Variants in PAPPA2 observed in about 807,000 individuals in gnomAD.
PAPPA2 encodes pappalysin-2.
A neutral mutation model predicts 176.4 loss-of-function variants in PAPPA2; 86 were observed. The observed-to-expected ratio is 0.49, with a 90% CI of 0.41 to 0.58. The LOEUF (loss-of-function observed/expected upper bound fraction) is 0.58. Ranked by LOEUF, PAPPA2 falls within the 20% of genes least tolerant of loss-of-function variation. PAPPA2 has a pLI of 0.00. For synonymous variants in PAPPA2, 809 were observed against 852.2 expected (o/e 0.95, Z 0.88); for missense variants, 2,073 against 2,256.9 (o/e 0.92, Z 1.65).
intron 9 of PAPPA2, among the ~76,000 whole-genome samples, chr1:176,704,829 A>G (rs781073795): frequency 9.2e-5 from 14 of 152,174 alleles, no homozygotes; most frequent in Non-Finnish European, 2.1e-4. Flanking sequence ...TTTTATACTG[A>G]CTGCAGATTG....
At chr1:176,740,343 G>A (rs976304382) in intron 14 of PAPPA2, 147 bp downstream of exon 14, 8 of 864,094 alleles carry the variant, frequency 9.3e-6, no homozygotes, top group Non-Finnish European at 1.4e-5. Context: ...TAGGAAGCAA[G>A]CAAAGAATAA....
intron 2 of PAPPA2, among the ~76,000 whole-genome samples, chr1:176,558,241 A>G (rs1468037535): frequency 6.6e-6 from 1 of 152,200 alleles, no homozygotes; most frequent in Non-Finnish European, 1.5e-5. Flanking sequence ...GTGCTCTTTC[A>G]TGTTTTCCAG....
In PAPPA2 at chr1:176,670,832, A is replaced by T. The variant is rs995216905; in HGVS notation, c.1992-138A>T. 3.0e-6 allele frequency: 3 copies of T among 986,052 alleles called. No homozygotes were observed. The African/African-American group carries it at 4.9e-5, about 16-fold the overall frequency. The allele number at this position is 986,052 out of a possible 1,614,324, so 61.1% of individuals were successfully genotyped here. ...TGCCTTTTCTTCTGGTCTTCATGACAGGCTGGTCTCTGCCCCATGCCCCTC... is the reference window on the plus strand; with the variant it reads ...TGCCTTTTCTTCTGGTCTTCATGACTGGCTGGTCTCTGCCCCATGCCCCTC... On this transcript the variant is annotated intron_variant, in intron 3 of 22. Transcript: ENST00000367662.
chr1:176,595,695 A>C lies in PAPPA2; in HGVS notation c.1991+100A>C, dbSNP rs560590374. ...GGCAAATGTGTTCACACACTCCCTGAATAAGACATTAATCCACCCCATCAG... is the reference window on the plus strand; with the variant it reads ...GGCAAATGTGTTCACACACTCCCTGCATAAGACATTAATCCACCCCATCAG... On this transcript the variant is annotated intron_variant, in intron 3 of 22. Transcript: ENST00000367662. 1.1e-3 allele frequency: 1,287 copies of C among 1,150,228 alleles called. 1 individual carries two copies. Among genetic ancestry groups the C allele is most frequent in the Non-Finnish European group, 1.5e-3 (1,210 of 826,822 alleles). 71.3% of individuals were successfully genotyped at this position (1,150,228 alleles called of 1,614,324 possible). A position where few individuals can be genotyped will look rare whatever the true frequency, so the allele number is the denominator to read the frequency against.
At position 176,595,183 on chromosome 1, in the gene PAPPA2, T is replaced by C. The variant is rs1407500088; in HGVS notation, c.1579T>C (p.Tyr527His). 6.2e-7 allele frequency: 1 copy of C among 1,614,196 alleles called. No homozygotes were observed. Reference protein sequence around the residue: ...WPLRGEKVIRYQVVNICDDEG... With the variant: ...WPLRGEKVIRHQVVNICDDEG... ...CCTTCGGGGAGAGAAGGTGATACGC[T>C]ACCAGGTGGTGAACATCTGTGATGA... Residue 527 changes from tyrosine (Y) to histidine (H), a missense_variant, in exon 3 of 23, where the codon TAC becomes CAC. This residue lies in a region of PAPPA2 where 1,196 missense variants were observed against 1,330.4 expected (regional missense o/e 0.90). Coordinates refer to ENST00000367662, the MANE Select transcript of PAPPA2 (RefSeq NM_020318.3).
chr1:176,686,706 A>G (rs2102799148), intron 4 of PAPPA2, among the ~76,000 whole-genome samples: 1 of 152,322 alleles, frequency 6.6e-6, no homozygotes, highest in South Asian at 2.1e-4. Flanking sequence ...GTCCAGGACA[A>G]TACAGATTCC....
chr1:176,819,221 A>G (rs1169633650), intron 21 of PAPPA2, among the ~76,000 whole-genome samples: 1 of 152,198 alleles, frequency 6.6e-6, no homozygotes. Flanking sequence ...TGACCATGAT[A>G]GAGAAAGGAA....
At position 176,579,100 on chromosome 1, in the gene PAPPA2, C is replaced by G. The variant is rs1221887529; in HGVS notation, c.920-15424C>G. On this transcript the variant is annotated intron_variant, in intron 2 of 22. Coordinates refer to ENST00000367662, the MANE Select transcript of PAPPA2 (RefSeq NM_020318.3). ...CAGGTGACTCCATTCTGTCAAAACC[C>G]ACAGACAGAAGGTTCCATAGGGGAG... 3.9e-5 allele frequency among the ~76,000 whole-genome samples: 6 copies of G among 152,230 alleles called. No individual in the cohort carries two copies. The East Asian group carries it at 1.2e-3, about 29-fold the overall frequency.
chr1:176,515,792 A>T (rs779037083), intron 1 of PAPPA2, among the ~76,000 whole-genome samples: 3 of 152,040 alleles, frequency 2.0e-5, no homozygotes, highest in Non-Finnish European at 2.9e-5. Context: ...TTTCTAGAGA[A>T]ATGTTCACTA....
chr1:176,619,418 C>T (rs566424006), intron 3 of PAPPA2, among the ~76,000 whole-genome samples: 20 of 152,252 alleles, frequency 1.3e-4, no homozygotes, highest in East Asian at 3.9e-4. Flanking sequence ...GACTGAATGA[C>T]GTTAGATTCC....
rs1317669604 is a variant in PAPPA2, at chr1:176,844,478, A to C, written c.*2024A>C. The C allele has an allele frequency of 6.6e-6, 1 of 152,154 alleles. No homozygotes were observed. Among genetic ancestry groups the C allele is most frequent in the African/African-American group, 2.4e-5 (1 of 41,426 alleles). The allele number at this position is 152,154 out of a possible 1,614,324, so 9.4% of individuals were successfully genotyped here. A position where few individuals can be genotyped will look rare whatever the true frequency, so the allele number is the denominator to read the frequency against. On this transcript the variant is annotated 3_prime_UTR_variant, in exon 23 of 23. Coordinates refer to ENST00000367662, the MANE Select transcript of PAPPA2 (RefSeq NM_020318.3). ...ATGAGGGTTGCAAAGTTATTGGGAA[A>C]AGGAAAGAGCAGAGTTCACCCATTC...
Position 176,690,367 on chromosome 1 carries a change from A to G in PAPPA2, c.2368A>G (p.Ser790Gly), listed in dbSNP as rs757211330. ...GCTGTGCCGGGAACCAGAGCCCACT[A>G]GTGACACCTGTGGCTTCACTCGCTT... ...SELCREPEPT[S>G]DTCGFTRFPG... The change falls in exon 5 of 23, where the codon AGT becomes GGT. Residue 790 changes from serine (S) to glycine (G), a missense_variant. Physicochemically the swap from Ser to Gly is moderately conservative, Grantham distance 56. Coordinates refer to ENST00000367662, the MANE Select transcript of PAPPA2 (RefSeq NM_020318.3). 1.2e-6 allele frequency: 2 copies of G among 1,614,150 alleles called. No individual in the cohort carries two copies. The highest frequency in any genetic ancestry group is 1.7e-5 in the Admixed American group (1 of 60,018).
rs1002103510 is a variant in PAPPA2 at position 176,518,899 on chromosome 1, A to G, written c.-916-36508A>G. 5.9e-5 allele frequency among the ~76,000 whole-genome samples: 9 copies of G among 152,200 alleles called. No homozygotes were observed. In the East Asian group the frequency reaches 1.7e-3, roughly 29 times the overall value. ...CAACTTAAAGGGCACTTAAAAAAAA[A>G]CAGTAGAAAAGTACTACTGCTATAT... is the stretch of plus-strand genomic sequence containing the variant. On this transcript the variant is annotated intron_variant, in intron 1 of 22. Coordinates refer to ENST00000367662, the MANE Select transcript of PAPPA2 (RefSeq NM_020318.3).
chr1:176,695,934 G>A, intron 7 of PAPPA2, 75 bp downstream of exon 7: 2 of 1,562,930 alleles, frequency 1.3e-6, no homozygotes, highest in South Asian at 1.2e-5. Flanking sequence ...GAGTGGAGTA[G>A]TGACATGGTG....
chr1:176,573,850 G>C (rs1283079062), intron 2 of PAPPA2, among the ~76,000 whole-genome samples: 1 of 152,128 alleles, frequency 6.6e-6, no homozygotes, highest in Non-Finnish European at 1.5e-5. Context: ...TGCTTTCAGA[G>C]GGGGGCACTG....
chr1:176,512,939 G>A (rs1648695563), intron 1 of PAPPA2, among the ~76,000 whole-genome samples: 1 of 152,106 alleles, frequency 6.6e-6, no homozygotes, highest in Non-Finnish European at 1.5e-5. Flanking sequence ...TATTTTGCAG[G>A]AAGCTGATGA....
chr1:176,500,518 A>G (rs1445069901), intron 1 of PAPPA2, among the ~76,000 whole-genome samples: 1 of 148,492 alleles, frequency 6.7e-6, no homozygotes, highest in African/African-American at 2.4e-5. Context: ...ATACATTTAT[A>G]TATAATTTAT....
At chr1:176,534,086 A>T (rs1037611455) in intron 1 of PAPPA2, among the ~76,000 whole-genome samples, 1 of 112,206 alleles carries the variant, frequency 8.9e-6, no homozygotes, top group Non-Finnish European at 1.9e-5. Context: ...TACTTCTTCT[A>T]AAATATGGCT....
intron 1 of PAPPA2, among the ~76,000 whole-genome samples, chr1:176,471,119 T>G (rs770872966): frequency 1.3e-5 from 2 of 152,110 alleles, no homozygotes; most frequent in Non-Finnish European, 2.9e-5. Context: ...TGTTACTTGG[T>G]ACAACAAGAA....
Sources: gnomAD v4.1 joint callset for allele counts (sites outside exome capture counted in the v4.1 genomes callset) on GRCh38, gnomAD v4.1.1 for gene constraint, gnomAD v4.1.1 regional missense constraint, MANE v1.5 for transcripts, NCBI Gene and HGNC (gene_info 2026-07-23, HGNC 2026-07-21) for gene names.